The following ASAH1 variants were observed in gnomAD, a reference collection of about 807,000 sequenced individuals.
The protein encoded by ASAH1 is N-acylsphingosine amidohydrolase 1, also known as acid ceramidase.
A neutral mutation model predicts 59.5 loss-of-function variants in ASAH1; 70 were observed. That is an observed-to-expected ratio of 1.18 (90% CI 0.97 to 1.43). ASAH1 has a LOEUF of 1.43. Among genes scored for constraint, ASAH1 ranks in the 40% most tolerant of loss-of-function variants. ASAH1 has a pLI of 0.00. For synonymous variants in ASAH1, 213 were observed against 166.5 expected, an observed-to-expected ratio of 1.28 and a Z score of -2.15; for missense variants, 660 against 482.5, an observed-to-expected ratio of 1.37 and a Z score of -3.45.
intron 2 of ASAH1, among the ~76,000 whole-genome samples, chr8:18,075,001 C>CTTTTTT (rs769278694): frequency 2.8e-4 from 41 of 148,504 alleles, no homozygotes; most frequent in South Asian, 4.3e-4. Context: ...AAAATCCTTT[C>CTTTTTT]CTTTTTTTTT....
At chr8:18,063,576 C>T (rs962712355) in intron 6 of ASAH1, 5 of 249,932 alleles carry the variant, frequency 2.0e-5, no homozygotes, top group South Asian at 9.6e-5. Flanking sequence ...GCCTCGGCCT[C>T]GCAAAGTGCT....
intron 12 of ASAH1, 57 bp from the exon 13 acceptor site, chr8:18,058,948 T>C (rs1266368099): frequency 2.0e-6 from 3 of 1,463,664 alleles, no homozygotes; most frequent in Admixed American, 1.7e-5. Flanking sequence ...CCAACAGCCT[T>C]ATCTACACAC....
intron 1 of ASAH1, among the ~76,000 whole-genome samples, chr8:18,082,354 A>G (rs947546667): frequency 6.6e-6 from 1 of 152,150 alleles, no homozygotes; most frequent in African/African-American, 2.4e-5. Context: ...CTATCTCTCA[A>G]TATTATTACA....
chr8:18,083,556 T>G (rs1800752148), intron 1 of ASAH1: 1 of 282,052 alleles, frequency 3.5e-6, no homozygotes, highest in African/African-American at 2.3e-5. Context: ...TGCAGTATCC[T>G]GGGCTGAACT....
upstream of ASAH1, chr8:18,084,922 G>A: frequency 7.1e-7 from 1 of 1,418,312 alleles, no homozygotes; most frequent in Non-Finnish European, 9.6e-7. Flanking sequence ...CGTGCCATCC[G>A]TGGACACAGT....
At chr8:18,064,254 C>G in intron 6 of ASAH1, 1 of 582,492 alleles carries the variant, frequency 1.7e-6, no homozygotes. Context: ...TGTCTGAAAT[C>G]AACTTTAATA....
chr8:18,072,751 T>C (rs1327856820), intron 2 of ASAH1, among the ~76,000 whole-genome samples: 1 of 152,206 alleles, frequency 6.6e-6, no homozygotes, highest in Non-Finnish European at 1.5e-5. Flanking sequence ...GTTCCCCATA[T>C]TATGGGCAGG....
Position 18,069,826 on chromosome 8 carries a change from C to T in ASAH1, c.269G>A (p.Ser90Asn), listed in dbSNP as rs1429604310. The T allele has an allele frequency of 5.7e-6, 9 of 1,590,876 alleles. No homozygotes were observed. Among genetic ancestry groups the T allele is most frequent in the East Asian group, 2.2e-5 (1 of 44,746 alleles). Reference protein sequence around the residue: ...LKNMINTFVPSGKIMQVVDEK... With the variant: ...LKNMINTFVPNGKIMQVVDEK... ...ATCCACCACCTGCATAATTTTTCCA[C>T]TTGGCACGAATGTATTTATCATATT... Residue 90 changes from serine (S) to asparagine (N), a missense_variant, in exon 4 of 14, where the codon AGT becomes AAT. By Grantham distance (46) the Ser-to-Asn change is conservative. Coordinates refer to ENST00000637790, the MANE Select transcript of ASAH1 (RefSeq NM_177924.5).
chr8:18,061,466 A>T lies in ASAH1; in HGVS notation c.704-8T>A. On this transcript the variant is annotated splice_region_variant and splice_polypyrimidine_tract_variant and intron_variant, in intron 9 of 13. Transcript: ENST00000637790. Reference sequence around the variant, plus strand: ...GAATCCATTCTAGAATACCTGGAAGAGATGAACACAATGTCAGGAACCGGA... The same window carrying T: ...GAATCCATTCTAGAATACCTGGAAGTGATGAACACAATGTCAGGAACCGGA... 1 of 1,606,230 alleles carries T rather than the reference A, an allele frequency of 6.2e-7. No homozygotes were observed. Among genetic ancestry groups the T allele is most frequent in the South Asian group, 1.1e-5 (1 of 90,928 alleles).
chr8:18,065,904 G>GTGTGTC (rs1799910534), intron 5 of ASAH1: 1 of 150,966 alleles, frequency 6.6e-6, no homozygotes, highest in South Asian at 2.1e-4. Flanking sequence ...GTGTGTGTGT[G>GTGTGTC]TGTGTGTATA....
chr8:18,062,594 T>G, intron 7 of ASAH1, 171 bp from the exon 8 acceptor site: 2 of 754,680 alleles, frequency 2.7e-6, no homozygotes. Context: ...AATGATAAAA[T>G]TGAGGTTCAG....
intron 5 of ASAH1, chr8:18,065,664 A>G (rs563957537): frequency 6.6e-6 from 1 of 152,316 alleles, no homozygotes; most frequent in Admixed American, 6.5e-5. Context: ...AAAATAAAAG[A>G]TACTGCTCAG....
Position 18,073,213 on chromosome 8 carries a change from C to T in ASAH1, c.126-1823G>A, listed in dbSNP as rs572670000. 134 of 1,520,662 alleles carry T rather than the reference C, an allele frequency of 8.8e-5. 1 individual carries two copies. Among genetic ancestry groups the T allele is most frequent in the Middle Eastern group, 3.4e-4 (2 of 5,844 alleles). The allele number at this position is 1,520,662 out of a possible 1,614,324, so 94.2% of individuals were successfully genotyped here. ...TTTTCTAAAACATTTCAGTATTTAACTTGTGCGCCTCCATTTCCCCATAAG... is the reference window on the plus strand; with the variant it reads ...TTTTCTAAAACATTTCAGTATTTAATTTGTGCGCCTCCATTTCCCCATAAG... On this transcript the variant is annotated intron_variant, in intron 2 of 13. Transcript: ENST00000637790.
Position 18,074,379 on chromosome 8 carries a change from G to A in ASAH1, c.125+1162C>T, listed in dbSNP as rs111578889. 2.5e-3 allele frequency among the ~76,000 whole-genome samples: 369 copies of A among 150,400 alleles called. 1 individual carries two copies. The highest frequency in any genetic ancestry group is 8.9e-3 in the African/African-American group (363 of 40,666). ...CTGGCCTCTTTCTACATAAAGGCGA[G>A]TAAGTCAAAAGAACTTAGTTTATTA... On this transcript the variant is annotated intron_variant, in intron 2 of 13. Transcript: ENST00000637790.
At chr8:18,080,806 C>A (rs942133305) in intron 1 of ASAH1, among the ~76,000 whole-genome samples, 1 of 152,212 alleles carries the variant, frequency 6.6e-6, no homozygotes, top group South Asian at 2.1e-4. Flanking sequence ...GATCTGCCCA[C>A]CTTGGCCTCC....
Position 18,057,619 on chromosome 8 carries a change from G to T in ASAH1, c.1103C>A (p.Thr368Asn), listed in dbSNP as rs148105771. 56 of 1,599,062 alleles carry T rather than the reference G, an allele frequency of 3.5e-5. No homozygotes were observed. Among genetic ancestry groups the T allele is most frequent in the Non-Finnish European group, 4.7e-5 (55 of 1,170,228 alleles). Residue 368 changes from threonine (T) to asparagine (N), a missense_variant, in exon 14 of 14, where the codon ACC (threonine) becomes AAC (asparagine). Transcript: ENST00000637790. ...AACATCTATCAAGGTTGTGTATACG[G>T]TCAGCTGAAAGAAAAGTTATTTTTA... ...LSTKPVLNKL[T>N]VYTTLIDVTK...
chr8:18,080,185 A>C (rs1008910277), intron 1 of ASAH1, among the ~76,000 whole-genome samples: 2 of 152,238 alleles, frequency 1.3e-5, no homozygotes, highest in Admixed American at 6.5e-5. Context: ...TCATTGCTAA[A>C]GCTGATTCAA....
In ASAH1 at chr8:18,064,778, C is replaced by T. The variant is rs143328458; in HGVS notation, c.383-247G>A. The T allele has an allele frequency of 2.7e-3, 1,192 of 445,756 alleles. 17 individuals are homozygous for T. Among genetic ancestry groups the T allele is most frequent in the African/African-American group, 0.021 (1,083 of 50,784 alleles). The allele number at this position is 445,756 out of a possible 1,614,324, so 27.6% of individuals were successfully genotyped here. On this transcript the variant is annotated intron_variant, in intron 5 of 13. Transcript: ENST00000637790. ...CATCTGGGCAGGTTGCAATTGTTCT[C>T]CAACATCACATCCAAAATGTTTATC...
chr8:18,075,338 A>G (rs945301996), intron 2 of ASAH1: 12 of 690,958 alleles, frequency 1.7e-5, no homozygotes, highest in Non-Finnish European at 2.6e-5. Flanking sequence ...AGCGACGGGC[A>G]TTTGAATCGG....
Sources: gnomAD v4.1 joint callset for allele counts (sites outside exome capture counted in the v4.1 genomes callset) on GRCh38, gnomAD v4.1.1 for gene constraint, MANE v1.5 for transcripts, NCBI Gene and HGNC (gene_info 2026-07-23, HGNC 2026-07-21) for gene names.